Variants in CACNB4 observed in about 807,000 individuals in gnomAD.
CACNB4 encodes calcium voltage-gated channel auxiliary subunit beta 4.
A neutral mutation model predicts 71.2 loss-of-function variants in CACNB4; 32 were observed. The ratio of observed to expected loss-of-function variants is 0.45; its 90% CI spans 0.34 to 0.60. The LOEUF (loss-of-function observed/expected upper bound fraction) is 0.60, where lower values mean the gene tolerates loss of function less well. Ranked by LOEUF, CACNB4 falls within the 20% of genes least tolerant of loss-of-function variation. The probability of loss-of-function intolerance (pLI) is 0.01; values close to 1 mark genes in which losing one functional copy is unlikely to be tolerated. For missense variants in CACNB4, 464 were observed against 647.9 expected, an observed-to-expected ratio of 0.72 and a Z score of 3.08; for synonymous variants, 231 against 236.9, an observed-to-expected ratio of 0.97 and a Z score of 0.23.
At chr2:151,946,327 C>A (rs979132764) in intron 2 of CACNB4, among the ~76,000 whole-genome samples, 7 of 142,746 alleles carry the variant, frequency 4.9e-5, no homozygotes, top group Non-Finnish European at 1.0e-4. Flanking sequence ...AAAACTCTGT[C>A]GCAAAAAAAA....
chr2:152,039,379 G>A (rs896915449), intron 2 of CACNB4, among the ~76,000 whole-genome samples: 9 of 150,284 alleles, frequency 6.0e-5, no homozygotes, highest in African/African-American at 2.2e-4. Flanking sequence ...TCTCGACACT[G>A]CACTCCAGCC....
rs1553818082 is a variant in CACNB4 at position 152,035,651 on chromosome 2, C to CTATATATA, written c.147+62671_147+62678dup. On this transcript the variant is annotated intron_variant, in intron 2 of 13. Transcript: ENST00000539935. ...TCTCCCTCTCTCTCTCTCTCTCTCT[C>CTATATATA]TATATATATATATATATGTATGTAT... Among the ~76,000 whole-genome samples, 228 of 118,058 alleles carry CTATATATA rather than the reference C, an allele frequency of 1.9e-3. 2 individuals carry two copies. The highest frequency in any genetic ancestry group is 3.0e-3 in the Non-Finnish European group (177 of 59,740). 77.5% of individuals were successfully genotyped at this position (118,058 alleles called of 152,430 possible). A position where few individuals can be genotyped will look rare whatever the true frequency, so the allele number is the denominator to read the frequency against.
chr2:151,965,278 G>C (rs938822662), intron 2 of CACNB4, among the ~76,000 whole-genome samples: 2 of 152,102 alleles, frequency 1.3e-5, no homozygotes, highest in Non-Finnish European at 2.9e-5. Context: ...TTATTTAAAG[G>C]GATGTTTGAG....
intron 2 of CACNB4, among the ~76,000 whole-genome samples, chr2:152,058,276 G>T (rs1035579038): frequency 6.6e-6 from 1 of 152,206 alleles, no homozygotes; most frequent in Non-Finnish European, 1.5e-5. Context: ...ACCGCAAAGA[G>T]GGGGGTACTG....
chr2:151,973,728 C>A (rs200327014), intron 2 of CACNB4: 41 of 1,612,298 alleles, frequency 2.5e-5, no homozygotes, highest in Non-Finnish European at 3.3e-5. Flanking sequence ...GTGTGATAAT[C>A]CAGAGCACCT....
At chr2:152,048,906 A>C (rs1398506637) in intron 2 of CACNB4, 1 of 152,276 alleles carries the variant, frequency 6.6e-6, no homozygotes. Flanking sequence ...GAGGCAGAAG[A>C]ACCAAAGAAA....
intron 2 of CACNB4, among the ~76,000 whole-genome samples, chr2:152,033,987 C>T (rs1419753377): frequency 6.6e-6 from 1 of 152,072 alleles, no homozygotes; most frequent in Non-Finnish European, 1.5e-5. Flanking sequence ...GGGTCACATA[C>T]TATTTTTAAT....
Position 151,878,628 on chromosome 2 carries a change from A to AT in CACNB4, c.391-2073dup, listed in dbSNP as rs58966024. On this transcript the variant is annotated intron_variant, in intron 4 of 13. Coordinates refer to ENST00000539935, the MANE Select transcript of CACNB4 (RefSeq NM_000726.5). ...ACCTGTAGTCCTAGTGTACTACACA[A>AT]TACTACACCATTAGCTAGCTATACA... 4.0e-5 allele frequency among the ~76,000 whole-genome samples: 6 copies of AT among 151,660 alleles called. 1 individual carries two copies. The Middle Eastern group carries it at 0.01, about 258-fold the overall frequency.
Position 152,001,170 on chromosome 2 carries a change from C to T in CACNB4, c.147+97160G>A, listed in dbSNP as rs575915853. On this transcript the variant is annotated intron_variant, in intron 2 of 13. Transcript: ENST00000539935. Reference sequence around the variant, plus strand: ...CAGTCAGGATTCAAACCTAGGAGGTCGGGATCAGAGCACATGGCCTTAACC... The same window carrying T: ...CAGTCAGGATTCAAACCTAGGAGGTTGGGATCAGAGCACATGGCCTTAACC... Among the ~76,000 whole-genome samples, 15 of 152,228 alleles carry T rather than the reference C, an allele frequency of 9.9e-5. No individual in the cohort carries two copies. The East Asian group carries it at 2.5e-3, about 26-fold the overall frequency.
intron 2 of CACNB4, chr2:151,967,497 A>G (rs930080364): frequency 6.6e-6 from 1 of 152,238 alleles, no homozygotes; most frequent in Non-Finnish European, 1.5e-5. Context: ...GAGATTTAAA[A>G]AGATCTAGAA....
intron 2 of CACNB4, among the ~76,000 whole-genome samples, chr2:152,094,186 A>G (rs1177657433): frequency 6.6e-6 from 1 of 152,222 alleles, no homozygotes; most frequent in African/African-American, 2.4e-5. Context: ...TGGGGAACTG[A>G]CTTTATCAGG....
chr2:151,935,814 C>A (rs1046052624), intron 2 of CACNB4, among the ~76,000 whole-genome samples: 4 of 152,322 alleles, frequency 2.6e-5, no homozygotes, highest in Middle Eastern at 3.4e-3. Context: ...CGGATGTGTT[C>A]TTTTATTCAA....
chr2:151,956,762 C>T (rs751798893), intron 2 of CACNB4, among the ~76,000 whole-genome samples: 3 of 152,098 alleles, frequency 2.0e-5, no homozygotes, highest in South Asian at 2.1e-4. Flanking sequence ...GGATTGTAGG[C>T]GAGGAGGGAG....
chr2:151,881,206 C>T (rs1375951491), intron 3 of CACNB4, among the ~76,000 whole-genome samples: 1 of 151,676 alleles, frequency 6.6e-6, no homozygotes, highest in African/African-American at 2.4e-5. Context: ...CAGGGGAGGA[C>T]AGTCTCTTCT....
intron 2 of CACNB4, among the ~76,000 whole-genome samples, chr2:151,957,255 GGCGT>G (rs1465937212): frequency 9.6e-4 from 24 of 24,942 alleles, no homozygotes; most frequent in African/African-American, 1.6e-3. Context: ...AGAGTGGCTG[GGCGT>G]GTGTGTGTGT....
chr2:151,973,799 C>CTG, intron 2 of CACNB4: 1 of 1,552,418 alleles, frequency 6.4e-7, no homozygotes. Context: ...GAGAAAAGGC[C>CTG]TGTTTGGGAG....
At chr2:151,879,796 CAA>C (rs2099847375) in intron 4 of CACNB4, 1 of 152,210 alleles carries the variant, frequency 6.6e-6, no homozygotes, top group Non-Finnish European at 1.5e-5. Flanking sequence ...GCACATAGCT[CAA>C]ACAGCAGCCA....
At chr2:152,028,122 A>C (rs186211448) in intron 2 of CACNB4, among the ~76,000 whole-genome samples, 1 of 152,144 alleles carries the variant, frequency 6.6e-6, no homozygotes, top group African/African-American at 2.4e-5. Flanking sequence ...AAATGAGGGG[A>C]TGAGGGAAGA....
Position 152,098,564 on chromosome 2 carries a change from G to GCCGCCCCCCCCCCCCCC in CACNB4, c.64-152_64-151insGGGGGGGGGGGGGGCGG. The stretch of plus-strand genomic sequence containing the variant: ...GTCTCCTCCGCGACTCCCAAATACA[G>GCCGCCCCCCCCCCCCCC]CCCCCACCCCCACCCACCCACTGCA... On this transcript the variant is annotated intron_variant, in intron 1 of 13. Transcript: ENST00000539935. The surrounding 1 kb of genome is among the most constrained non-coding windows in gnomAD (Gnocchi z 5.3). 1 of 931,268 alleles carries GCCGCCCCCCCCCCCCCC rather than the reference G, an allele frequency of 1.1e-6. No individual in the cohort carries two copies. The highest frequency in any genetic ancestry group is 1.7e-6 in the Non-Finnish European group (1 of 583,194). 57.7% of individuals were successfully genotyped at this position (931,268 alleles called of 1,614,324 possible). A position where few individuals can be genotyped will look rare whatever the true frequency, so the allele number is the denominator to read the frequency against.
Sources: allele counts gnomAD v4.1 joint callset (sites outside exome capture counted in the v4.1 genomes callset), GRCh38; gene constraint gnomAD v4.1.1; non-coding constraint Gnocchi (gnomAD v3.1); transcripts MANE v1.5; gene names NCBI Gene and HGNC (gene_info 2026-07-23, HGNC 2026-07-21).